Variants in FRMPD4 observed in about 807,000 individuals in gnomAD.
FRMPD4 encodes FERM and PDZ domain-containing protein 4.
FRMPD4 carries 22 observed loss-of-function variants against 94.1 expected under a neutral mutation model. That is an observed-to-expected ratio of 0.23 (90% CI 0.17 to 0.33). FRMPD4 has a LOEUF of 0.33. Ranked by LOEUF, FRMPD4 falls within the 10% of genes least tolerant of loss-of-function variation. The pLI is 1.00. For synonymous variants in FRMPD4, 631 were observed against 548.6 expected (o/e 1.15, Z -2.10); for missense variants, 1,111 against 1,339.9 (o/e 0.83, Z 2.67).
intron 3 of FRMPD4, among the ~76,000 whole-genome samples, chrX:11,926,387 C>T (rs1349301458): frequency 9.1e-6 from 1 of 110,458 alleles, no homozygotes; most frequent in Non-Finnish European, 1.9e-5. Context: ...AGGAGAGACT[C>T]CACACTAATT....
At chrX:12,678,230 C>G (rs983338894) in intron 5 of FRMPD4, among the ~76,000 whole-genome samples, 5 of 112,519 alleles carry the variant, frequency 4.4e-5, no homozygotes, top group African/African-American at 1.6e-4. Context: ...ATCACTGGGC[C>G]TTTCACATCG....
At chrX:12,593,766 T>C (rs1217251900) in intron 2 of FRMPD4, among the ~76,000 whole-genome samples, 1 of 111,648 alleles carries the variant, frequency 9.0e-6, no homozygotes, top group African/African-American at 3.3e-5. Context: ...AGTGAAGTGC[T>C]GCAGTACACA....
intron 1 of FRMPD4, among the ~76,000 whole-genome samples, chrX:12,160,990 A>C (rs1268518170): frequency 9.0e-6 from 1 of 110,992 alleles, no homozygotes; most frequent in East Asian, 2.8e-4. Context: ...ACACTACTTC[A>C]TGCTATTTAT....
intron 1 of FRMPD4, among the ~76,000 whole-genome samples, chrX:12,444,691 C>T (rs1385461253): frequency 9.0e-6 from 1 of 111,494 alleles, no homozygotes; most frequent in East Asian, 2.8e-4. Context: ...TGAGGGTCCT[C>T]TTGCTGTATC....
chrX:12,142,756 T>C (rs1288502432), intron 1 of FRMPD4, among the ~76,000 whole-genome samples: 1 of 111,934 alleles, frequency 8.9e-6, no homozygotes. Flanking sequence ...AGAAGGCGTC[T>C]AGGTCAGGCT....
intron 1 of FRMPD4, among the ~76,000 whole-genome samples, chrX:12,327,577 A>G (rs2055307711): frequency 8.9e-6 from 1 of 112,145 alleles, no homozygotes; most frequent in Admixed American, 9.4e-5. Flanking sequence ...TAAAATATTA[A>G]TTTTTCAAAT....
At position 11,893,873 on chromosome X, in the gene FRMPD4, C is replaced by T. The variant is rs2053888417; in HGVS notation, c.95+15855C>T. Among the ~76,000 whole-genome samples, 3 of 111,949 alleles carry T rather than the reference C, an allele frequency of 2.7e-5. No individual in the cohort carries two copies. The South Asian group carries it at 1.1e-3, about 42-fold the overall frequency. ...AAAAGAGGCAGTGACCATTTTGTAG[C>T]ACACACATCTTGCCCCAATTATTCA... On this transcript the variant is annotated intron_variant, in intron 3 of 18. Transcript: ENST00000640291.
chrX:12,168,646 G>C (rs1364968332), intron 1 of FRMPD4, among the ~76,000 whole-genome samples: 1 of 59,424 alleles, frequency 1.7e-5, no homozygotes, highest in Non-Finnish European at 2.9e-5. Flanking sequence ...TTTTTTTTGA[G>C]ACAGAGTCTC....
chrX:12,435,933 ATTT>A, intron 1 of FRMPD4, among the ~76,000 whole-genome samples: 1 of 111,753 alleles, frequency 8.9e-6, no homozygotes, highest in East Asian at 2.8e-4. Context: ...CAGATTTTAA[ATTT>A]ATTACCTTAA....
chrX:11,826,102 T>C (rs1230783964), intron 1 of FRMPD4, among the ~76,000 whole-genome samples: 2 of 112,372 alleles, frequency 1.8e-5, no homozygotes, highest in Non-Finnish European at 3.8e-5. Context: ...AAAGTTCAAT[T>C]ATAGGTGAAA....
intron 1 of FRMPD4, among the ~76,000 whole-genome samples, chrX:12,163,903 C>T (rs956189859): frequency 9.0e-6 from 1 of 111,685 alleles, no homozygotes; most frequent in African/African-American, 3.3e-5. Flanking sequence ...CTGATAAGAA[C>T]CATTTTTTAC....
At chrX:12,610,004 G>C in intron 3 of FRMPD4, 123 bp downstream of exon 3, 1 of 632,225 alleles carries the variant, frequency 1.6e-6, no homozygotes, top group Non-Finnish European at 2.4e-6. Flanking sequence ...CCAAAACCTG[G>C]ATAGAGTCAC....
intron 4 of FRMPD4, among the ~76,000 whole-genome samples, chrX:12,629,800 G>A (rs1205743054): frequency 8.9e-6 from 1 of 111,968 alleles, no homozygotes; most frequent in African/African-American, 3.2e-5. Context: ...AGCACTTTGT[G>A]GCCTGTAGCA....
At chrX:12,350,972 G>A (rs892134887) in intron 1 of FRMPD4, among the ~76,000 whole-genome samples, 15 of 111,641 alleles carry the variant, frequency 1.3e-4, no homozygotes, top group Admixed American at 4.7e-4. Flanking sequence ...TCAGGAAATC[G>A]AGACCATCCT....
chrX:12,399,560 C>T (rs368406438), intron 1 of FRMPD4, among the ~76,000 whole-genome samples: 30 of 111,353 alleles, frequency 2.7e-4, no homozygotes, highest in African/African-American at 8.5e-4. Flanking sequence ...TCAATTAACA[C>T]GTTTTGCATG....
chrX:12,268,437 C>A (rs747051988), intron 1 of FRMPD4, among the ~76,000 whole-genome samples: 1 of 112,025 alleles, frequency 8.9e-6, no homozygotes, highest in Non-Finnish European at 1.9e-5. Flanking sequence ...AGATACAGAG[C>A]AAAGTTCCAG....
At chrX:12,236,341 AAC>A (rs1483032042) in intron 1 of FRMPD4, among the ~76,000 whole-genome samples, 1 of 111,425 alleles carries the variant, frequency 9.0e-6, no homozygotes, top group Non-Finnish European at 1.9e-5. Context: ...AAGTTTGCTC[AAC>A]AGTTTTATTG....
chrX:12,118,044 A>G (rs2055424008), intron 3 of FRMPD4, among the ~76,000 whole-genome samples: 1 of 111,428 alleles, frequency 9.0e-6, no homozygotes, highest in African/African-American at 3.3e-5. Flanking sequence ...ACATACATAC[A>G]ATGGTTAGGA....
At chrX:11,833,650 G>A (rs1209966268) in intron 1 of FRMPD4, among the ~76,000 whole-genome samples, 1 of 111,806 alleles carries the variant, frequency 8.9e-6, no homozygotes, top group African/African-American at 3.3e-5. Context: ...AATGTTTGCA[G>A]CCTCTCCACC....
Sources: allele counts gnomAD v4.1 joint callset (sites outside exome capture counted in the v4.1 genomes callset), GRCh38; gene constraint gnomAD v4.1.1; transcripts MANE v1.5; gene names NCBI Gene and HGNC (gene_info 2026-07-23, HGNC 2026-07-21).